The following COL5A1 variants were observed in gnomAD, a reference collection of about 807,000 sequenced individuals.
COL5A1 encodes the protein collagen type V alpha 1 chain.
In COL5A1, 16 loss-of-function variants were observed where a neutral mutation model predicts 263.7. The observed-to-expected ratio is 0.06, with a 90% CI of 0.04 to 0.09. The LOEUF (loss-of-function observed/expected upper bound fraction) is 0.09. Ranked by LOEUF, COL5A1 falls within the 10% of genes least tolerant of loss-of-function variation. The pLI, the probability that COL5A1 is intolerant of heterozygous loss-of-function variation, is 1.00. For missense variants in COL5A1, 2,036 were observed against 2,540.5 expected (o/e 0.80, Z 4.27); for synonymous variants, 1,012 against 1,004.5 (o/e 1.01, Z -0.14).
At chr9:134,665,891 C>A (rs1284287490) in intron 1 of COL5A1, among the ~76,000 whole-genome samples, 1 of 152,158 alleles carries the variant, frequency 6.6e-6, no homozygotes, top group African/African-American at 2.4e-5. Context: ...AGTTCAAGAC[C>A]AGCCTGACCA....
chr9:134,749,047 G>T (rs1216713605), intron 11 of COL5A1, among the ~76,000 whole-genome samples: 4 of 152,220 alleles, frequency 2.6e-5, no homozygotes, highest in Non-Finnish European at 5.9e-5. Flanking sequence ...GACCAGCCTG[G>T]CCAAGGTGGT....
intron 1 of COL5A1, among the ~76,000 whole-genome samples, chr9:134,679,129 T>C (rs1433470311): frequency 6.6e-6 from 1 of 152,188 alleles, no homozygotes; most frequent in East Asian, 1.9e-4. Context: ...TGATCATCCT[T>C]TTCTTCCTTT....
In COL5A1 at chr9:134,805,049, G is replaced by A. The variant is rs1312699804; in HGVS notation, c.3189G>A (p.Gly1063=). 6.2e-7 allele frequency: 1 copy of A among 1,613,868 alleles called. No individual in the cohort carries two copies. The highest frequency in any genetic ancestry group is 8.5e-7 in the Non-Finnish European group (1 of 1,180,004). Residue 1063 remains glycine, a synonymous_variant, in exon 40 of 66, where the codon GGG becomes GGA. Coordinates refer to ENST00000371817, the MANE Select transcript of COL5A1 (RefSeq NM_000093.5). ...TACGTGGTTTCCCTGGGGACCGAGG[G>A]CTTCCTGGTCCAGTGGTGAGTGAGA... ...PGLRGFPGDR[G]LPGPVGALGL...
intron 13 of COL5A1, 82 bp from the exon 14 acceptor site, chr9:134,752,507 C>A: frequency 9.4e-7 from 1 of 1,060,370 alleles, no homozygotes; most frequent in Non-Finnish European, 1.5e-6. Context: ...TTCCCTCCTG[C>A]CACATCTCAC....
Position 134,708,015 on chromosome 9 carries a change from C to T in COL5A1, c.654+6682C>T, listed in dbSNP as rs1415681517. On this transcript the variant is annotated intron_variant, in intron 4 of 65. Transcript: ENST00000371817. The stretch of plus-strand genomic sequence containing the variant: ...GCTGCGGAGCTGGGAAAACCCACCT[C>T]GCCAGACCTTCCCTGGGCCCTGCTG... Among the ~76,000 whole-genome samples, 8 of 152,318 alleles carry T rather than the reference C, an allele frequency of 5.3e-5. No homozygotes were observed. In the South Asian group the frequency reaches 6.2e-4, roughly 12 times the overall value.
intron 36 of COL5A1, among the ~76,000 whole-genome samples, chr9:134,797,719 G>A (rs927495826): frequency 1.3e-5 from 2 of 152,148 alleles, no homozygotes; most frequent in African/African-American, 2.4e-5. Flanking sequence ...CTGACCTCAG[G>A]TGATCCACCT....
chr9:134,815,737 G>A, intron 51 of COL5A1, 108 bp downstream of exon 51: 1 of 1,369,632 alleles, frequency 7.3e-7, no homozygotes, highest in Non-Finnish European at 1.0e-6. Context: ...ACTCCCACTG[G>A]GGCAGGCAAT....
intron 25 of COL5A1, among the ~76,000 whole-genome samples, chr9:134,771,579 A>T (rs1478619862): frequency 2.6e-5 from 4 of 152,262 alleles, no homozygotes; most frequent in African/African-American, 9.6e-5. Context: ...GACAGCTAAT[A>T]AAAACTTAAA....
Position 134,765,557 on chromosome 9 carries a change from C to T in COL5A1, c.2035-124C>T, listed in dbSNP as rs746344093. 2 of 831,312 alleles carry T rather than the reference C, an allele frequency of 2.4e-6. No homozygotes were observed. The highest frequency in any genetic ancestry group is 3.7e-5 in the Admixed American group (2 of 54,260). 51.5% of individuals were successfully genotyped at this position (831,312 alleles called of 1,614,324 possible). Reference sequence around the variant, plus strand: ...GAGTCTGGGCCTCACTCCTGGGAGGCCAGGAGGCCTGAGTCACCAGCTGGG... The same window carrying T: ...GAGTCTGGGCCTCACTCCTGGGAGGTCAGGAGGCCTGAGTCACCAGCTGGG... On this transcript the variant is annotated intron_variant, in intron 20 of 65. Transcript: ENST00000371817. The surrounding 1 kb of genome is among the most constrained non-coding windows in gnomAD (Gnocchi z 5.1).
intron 27 of COL5A1, among the ~76,000 whole-genome samples, chr9:134,775,362 AAC>A (rs1837014925): frequency 6.6e-6 from 1 of 152,230 alleles, no homozygotes; most frequent in Non-Finnish European, 1.5e-5. Context: ...CCGAGTGAGA[AAC>A]AGAGTCTGTC....
Position 134,652,814 on chromosome 9 carries a change from C to T in COL5A1, c.109+10518C>T, listed in dbSNP as rs1482286943. 4.4e-6 allele frequency: 2 copies of T among 450,338 alleles called. No homozygotes were observed. The highest frequency in any genetic ancestry group is 9.4e-6 in the Non-Finnish European group (2 of 213,424). 27.9% of individuals were successfully genotyped at this position (450,338 alleles called of 1,614,324 possible). On this transcript the variant is annotated intron_variant, in intron 1 of 65. Coordinates refer to ENST00000371817, the MANE Select transcript of COL5A1 (RefSeq NM_000093.5). The surrounding 1 kb of genome is among the most constrained non-coding windows in gnomAD (Gnocchi z 4.4). ...TAGACCAGCAGTTCCCAAACTTTAC[C>T]AGGCCCCAGAATCCCCCCGAGGCCT... is the stretch of plus-strand genomic sequence containing the variant.
rs76493471 is a variant in COL5A1 at position 134,772,307 on chromosome 9, G to A, written c.2287-483G>A. Among the ~76,000 whole-genome samples, 1,264 of 152,338 alleles carry A rather than the reference G, an allele frequency of 8.3e-3. 22 individuals carry two copies. The highest frequency in any genetic ancestry group is 0.029 in the African/African-American group (1,196 of 41,564). ...CAGACAGCTCAGCAATTGCTAGTCCGGGAAGCAGGGATGCCAGGAACCTGG... is the reference window on the plus strand; with the variant it reads ...CAGACAGCTCAGCAATTGCTAGTCCAGGAAGCAGGGATGCCAGGAACCTGG... On this transcript the variant is annotated intron_variant, in intron 25 of 65. Transcript: ENST00000371817.
chr9:134,784,167 G>T (rs1489425564), intron 29 of COL5A1, among the ~76,000 whole-genome samples: 2 of 152,230 alleles, frequency 1.3e-5, no homozygotes, highest in Non-Finnish European at 2.9e-5. Flanking sequence ...TTGAACGAGA[G>T]GAACACCTCT....
chr9:134,811,352 C>G lies in COL5A1; in HGVS notation c.3542C>G (p.Pro1181Arg), dbSNP rs745752174. ...GDKGEQGPPGPTGPQGPIGQP... is the reference protein window; with the variant it reads ...GDKGEQGPPGRTGPQGPIGQP... ...TGTTCCCCGCAGGGTCCTCCTGGGCCTACAGGTCCTCAAGGCCCCATCGGA... is the reference window on the plus strand; with the variant it reads ...TGTTCCCCGCAGGGTCCTCCTGGGCGTACAGGTCCTCAAGGCCCCATCGGA... The change falls in exon 45 of 66, where the codon CCT becomes CGT. Residue 1181 changes from proline to arginine, a missense_variant. Coordinates refer to ENST00000371817, the MANE Select transcript of COL5A1 (RefSeq NM_000093.5). 6.2e-7 allele frequency: 1 copy of G among 1,614,120 alleles called. No individual in the cohort carries two copies. The highest frequency in any genetic ancestry group is 2.2e-5 in the East Asian group (1 of 44,856).
At chr9:134,694,833 C>T (rs1340119513) in intron 2 of COL5A1, among the ~76,000 whole-genome samples, 2 of 152,292 alleles carry the variant, frequency 1.3e-5, no homozygotes, top group Admixed American at 6.5e-5. Context: ...GCAGTGCAGA[C>T]ATCGCCTCAC....
intron 27 of COL5A1, among the ~76,000 whole-genome samples, chr9:134,777,890 C>A (rs750452718): frequency 6.6e-6 from 1 of 152,240 alleles, no homozygotes; most frequent in African/African-American, 2.4e-5. Flanking sequence ...CAGGATCAGA[C>A]GCTGCTGAGC....
At chr9:134,760,835 CACATGCAT>C (rs921009013) in intron 18 of COL5A1, among the ~76,000 whole-genome samples, 6 of 149,372 alleles carry the variant, frequency 4.0e-5, no homozygotes, top group Admixed American at 1.3e-4. Context: ...CACACATGCA[CACATGCAT>C]ACACACATGC....
chr9:134,812,299 C>T (rs562208373), intron 46 of COL5A1, 150 bp from the exon 47 acceptor site: 12 of 747,844 alleles, frequency 1.6e-5, no homozygotes, highest in South Asian at 4.5e-5. Flanking sequence ...AACCCCGGGA[C>T]GTCCTCGTGG....
intron 42 of COL5A1, 120 bp from the exon 43 acceptor site, chr9:134,809,063 A>T: frequency 1.1e-6 from 1 of 876,926 alleles, no homozygotes; most frequent in Non-Finnish European, 1.9e-6. Context: ...GACTGTGGGG[A>T]CGGTCACCCT....
Sources: allele counts gnomAD v4.1 joint callset (sites outside exome capture counted in the v4.1 genomes callset), GRCh38; gene constraint gnomAD v4.1.1; non-coding constraint Gnocchi (gnomAD v3.1); transcripts MANE v1.5; gene names NCBI Gene and HGNC (gene_info 2026-07-23, HGNC 2026-07-21).